DOCK1: variants seen among roughly 807,000 people sequenced by gnomAD.
DOCK1 encodes dedicator of cytokinesis protein 1.
DOCK1 carries 138 observed loss-of-function variants against 262.7 expected under a neutral mutation model. The ratio of observed to expected loss-of-function variants is 0.53; its 90% CI spans 0.46 to 0.61. The LOEUF (loss-of-function observed/expected upper bound fraction) is 0.61, where lower values mean the gene tolerates loss of function less well. DOCK1 is among the 20% of genes least tolerant of loss of function. The probability of loss-of-function intolerance (pLI) is 0.00; values close to 1 mark genes in which losing one functional copy is unlikely to be tolerated. For synonymous variants in DOCK1, 866 were observed against 867.4 expected (o/e 1.00, Z 0.03); for missense variants, 1,908 against 2,370.7 (o/e 0.80, Z 4.05).
chr10:127,098,490 C>A (rs1005553905), intron 23 of DOCK1, among the ~76,000 whole-genome samples: 1 of 152,148 alleles, frequency 6.6e-6, no homozygotes, highest in Non-Finnish European at 1.5e-5. Context: ...AGCAATGAGT[C>A]GAGCTTATCA....
At chr10:127,435,129 T>C (rs2069590801) in intron 48 of DOCK1, among the ~76,000 whole-genome samples, 4 of 152,192 alleles carry the variant, frequency 2.6e-5, no homozygotes, top group Non-Finnish European at 4.4e-5. Context: ...AACTGCAACA[T>C]TGGTATTTTT....
At chr10:127,361,106 C>CTTTTTTTTTTTTTTTTTTTTTTTTT (rs1175942298) in intron 32 of DOCK1, among the ~76,000 whole-genome samples, 2 of 87,434 alleles carry the variant, frequency 2.3e-5, no homozygotes, top group African/African-American at 9.6e-5. Flanking sequence ...TAAAGTAGTT[C>CTTTTTTTTTTTTTTTTTTTTTTTTT]TTTTTTTTTT....
intron 46 of DOCK1, among the ~76,000 whole-genome samples, chr10:127,422,454 C>T (rs565168648): frequency 1.6e-4 from 24 of 151,852 alleles, no homozygotes; most frequent in Admixed American, 1.2e-3. Context: ...TGTGAGCCAC[C>T]GTGCCTGGCC....
Position 127,176,542 on chromosome 10 carries a change from A to T in DOCK1, c.2847+48778A>T. The T allele has an allele frequency of 1.5e-6, 1 of 666,130 alleles. No homozygotes were observed. The highest frequency in any genetic ancestry group is 2.5e-6 in the Non-Finnish European group (1 of 397,980). The allele number at this position is 666,130 out of a possible 1,614,324, so 41.3% of individuals were successfully genotyped here. A position where few individuals can be genotyped will look rare whatever the true frequency, so the allele number is the denominator to read the frequency against. ...GGTGAGGTCGGCCTTTATGTTAAGG[A>T]AAATCACACGGGCTGAGAGTCGCTG... On this transcript the variant is annotated intron_variant, in intron 27 of 51. Transcript: ENST00000623213. This position sits in a 1 kb window ranked among gnomAD's most constrained non-coding sequence, Gnocchi z 4.4.
intron 38 of DOCK1, among the ~76,000 whole-genome samples, chr10:127,402,310 G>A (rs1267759071): frequency 6.6e-6 from 1 of 152,162 alleles, no homozygotes; most frequent in Admixed American, 6.5e-5. Context: ...CCTGGAAGAG[G>A]TGGTTCCTCT....
intron 27 of DOCK1, among the ~76,000 whole-genome samples, chr10:127,178,677 T>G (rs192429856): frequency 1.2e-4 from 19 of 152,300 alleles, no homozygotes; most frequent in Non-Finnish European, 2.4e-4. Flanking sequence ...ATTTGGAGAT[T>G]GCTGCAATTT....
intron 30 of DOCK1, among the ~76,000 whole-genome samples, 159 bp downstream of exon 30, chr10:127,339,243 G>A (rs998236132): frequency 6.6e-6 from 1 of 152,204 alleles, no homozygotes; most frequent in African/African-American, 2.4e-5. Context: ...TGGAACCTGA[G>A]GAGTGAAAAT....
intron 27 of DOCK1, among the ~76,000 whole-genome samples, chr10:127,138,232 T>A (rs775522198): frequency 1.3e-4 from 20 of 152,226 alleles, no homozygotes; most frequent in Non-Finnish European, 4.4e-5. Flanking sequence ...CTTACTTGCT[T>A]CTGTAGGTGA....
At chr10:127,173,243 C>T (rs1469757899) in intron 27 of DOCK1, among the ~76,000 whole-genome samples, 2 of 95,664 alleles carry the variant, frequency 2.1e-5, no homozygotes, top group East Asian at 4.1e-4. Context: ...ATTCCATCCC[C>T]TGTCTGCAGG....
chr10:127,175,065 C>A lies in DOCK1; in HGVS notation c.2847+47301C>A. ...CTAGTATCATAAAATAATCTGCGAC[C>A]CCTTGGAGCTCGCCACGCCCTTAGA... On this transcript the variant is annotated intron_variant, in intron 27 of 51. Transcript: ENST00000623213. The surrounding 1 kb of genome is among the most constrained non-coding windows in gnomAD (Gnocchi z 6.3). 1.5e-6 allele frequency: 1 copy of A among 683,758 alleles called. No homozygotes were observed. Among genetic ancestry groups the A allele is most frequent in the Non-Finnish European group, 2.6e-6 (1 of 390,032 alleles). 42.4% of individuals were successfully genotyped at this position (683,758 alleles called of 1,614,324 possible).
intron 40 of DOCK1, among the ~76,000 whole-genome samples, chr10:127,406,017 T>A (rs2134345542): frequency 6.6e-6 from 1 of 152,320 alleles, no homozygotes; most frequent in East Asian, 1.9e-4. Context: ...AGCTTGGAGT[T>A]AAAGCCACTT....
chr10:127,247,143 A>G (rs1590106511), intron 27 of DOCK1, among the ~76,000 whole-genome samples: 1 of 152,204 alleles, frequency 6.6e-6, no homozygotes, highest in Non-Finnish European at 1.5e-5. Context: ...ACGTGTGCAC[A>G]CCCACGTCCA....
intron 13 of DOCK1, among the ~76,000 whole-genome samples, chr10:127,022,062 C>G (rs1328859308): frequency 6.6e-6 from 1 of 152,148 alleles, no homozygotes; most frequent in Non-Finnish European, 1.5e-5. Context: ...TTGTGAAGTT[C>G]TCCCAGTTGG....
At chr10:127,069,654 T>A (rs2046093419) in intron 23 of DOCK1, among the ~76,000 whole-genome samples, 2 of 152,056 alleles carry the variant, frequency 1.3e-5, no homozygotes, top group South Asian at 2.1e-4. Context: ...ACCGTCTAGG[T>A]CACATTGTCT....
chr10:127,136,065 G>A (rs1254581560), intron 27 of DOCK1: 2 of 152,414 alleles, frequency 1.3e-5, no homozygotes. Context: ...TGATATTCAG[G>A]GATTCGAACT....
chr10:127,090,116 C>T (rs941915858), intron 23 of DOCK1, among the ~76,000 whole-genome samples: 1 of 152,126 alleles, frequency 6.6e-6, no homozygotes, highest in African/African-American at 2.4e-5. Flanking sequence ...GATGCTTCTC[C>T]TTTCTGGCTT....
At chr10:127,434,631 C>G (rs2069538860) in intron 48 of DOCK1, among the ~76,000 whole-genome samples, 1 of 152,028 alleles carries the variant, frequency 6.6e-6, no homozygotes, top group Non-Finnish European at 1.5e-5. Flanking sequence ...CCCCCCACCC[C>G]TGACACCCTG....
chr10:127,090,509 T>C (rs2047455539), intron 23 of DOCK1, among the ~76,000 whole-genome samples: 1 of 151,882 alleles, frequency 6.6e-6, no homozygotes, highest in African/African-American at 2.4e-5. Flanking sequence ...TGCGGTAAAA[T>C]ACATATAACA....
At chr10:127,244,217 A>C (rs1158452190) in intron 27 of DOCK1, among the ~76,000 whole-genome samples, 1 of 151,946 alleles carries the variant, frequency 6.6e-6, no homozygotes, top group Non-Finnish European at 1.5e-5. Flanking sequence ...CGTTTGGGAC[A>C]TATTTATTTT....
Sources: allele counts gnomAD v4.1 joint callset (sites outside exome capture counted in the v4.1 genomes callset), GRCh38; gene constraint gnomAD v4.1.1; non-coding constraint Gnocchi (gnomAD v3.1); transcripts MANE v1.5; gene names NCBI Gene and HGNC (gene_info 2026-07-23, HGNC 2026-07-21).